The following WDFY2 variants were observed in gnomAD, a reference collection of about 807,000 sequenced individuals.
WDFY2 encodes WD repeat and FYVE domain containing 2.
Under a neutral mutation model 56.4 loss-of-function variants are expected in WDFY2, and 36 were observed. The observed-to-expected ratio is 0.64, with a 90% CI of 0.49 to 0.84. The LOEUF is 0.84. WDFY2 is among the 40% of genes least tolerant of loss of function. The pLI, the probability that WDFY2 is intolerant of heterozygous loss-of-function variation, is 0.00. For missense variants in WDFY2, 444 were observed against 512.2 expected (o/e 0.87, Z 1.29); for synonymous variants, 176 against 183.7 (o/e 0.96, Z 0.34).
At chr13:51,684,107 A>G (rs1956021529) in intron 3 of WDFY2, among the ~76,000 whole-genome samples, 1 of 152,140 alleles carries the variant, frequency 6.6e-6, no homozygotes, top group African/African-American at 2.4e-5. Context: ...GTGTAGGAAG[A>G]CAACCATCAG....
At chr13:51,588,649 G>A (rs906579867) in intron 1 of WDFY2, 3 of 152,118 alleles carry the variant, frequency 2.0e-5, no homozygotes, top group Admixed American at 1.3e-4. Context: ...TCCTGTAGAG[G>A]AAAGGGCATT....
At chr13:51,625,674 T>G (rs1954824736) in intron 1 of WDFY2, among the ~76,000 whole-genome samples, 1 of 152,222 alleles carries the variant, frequency 6.6e-6, no homozygotes, top group South Asian at 2.1e-4. Flanking sequence ...TAAGTATCTC[T>G]GAACTTGAAA....
chr13:51,763,500 C>G lies in WDFY2; in HGVS notation c.*3731C>G, dbSNP rs1013080668. The G allele has an allele frequency of 6.6e-6, 1 of 152,206 alleles. No individual in the cohort carries two copies. The highest frequency in any genetic ancestry group is 2.4e-5 in the African/African-American group (1 of 41,436). 9.4% of individuals were successfully genotyped at this position (152,206 alleles called of 1,614,324 possible). A position where few individuals can be genotyped will look rare whatever the true frequency, so the allele number is the denominator to read the frequency against. On this transcript the variant is annotated 3_prime_UTR_variant, in exon 12 of 12. Coordinates refer to ENST00000298125, the MANE Select transcript of WDFY2 (RefSeq NM_052950.4). ...TATCACATTTTCATTTTCTGAGATT[C>G]ATTTTATAAAAGTAAAGGCCAGGTG... is the stretch of plus-strand genomic sequence containing the variant.
chr13:51,703,711 A>G, intron 4 of WDFY2, 61 bp downstream of exon 4: 1 of 1,388,820 alleles, frequency 7.2e-7, no homozygotes, highest in South Asian at 1.3e-5. Flanking sequence ...GGTGGTTTTC[A>G]CTGCCACAAG....
At chr13:51,740,902 T>C (rs1174629652) in intron 7 of WDFY2, among the ~76,000 whole-genome samples, 2 of 152,212 alleles carry the variant, frequency 1.3e-5, no homozygotes, top group African/African-American at 4.8e-5. Context: ...CAGTGGTTAA[T>C]AAAGACTGCA....
chr13:51,663,394 G>T (rs1955647588), intron 2 of WDFY2, among the ~76,000 whole-genome samples: 1 of 152,072 alleles, frequency 6.6e-6, no homozygotes, highest in South Asian at 2.1e-4. Context: ...CCAGGGATTT[G>T]CAGACAAACA....
chr13:51,670,437 A>C (rs553196669), intron 2 of WDFY2, among the ~76,000 whole-genome samples: 69 of 151,642 alleles, frequency 4.6e-4, no homozygotes, highest in African/African-American at 1.6e-3. Context: ...GGAGTGTCAC[A>C]GTTGGAAAAT....
Position 51,677,098 on chromosome 13 carries a change from T to C in WDFY2, c.279+1855T>C, listed in dbSNP as rs529780206. On this transcript the variant is annotated intron_variant, in intron 3 of 11. Coordinates refer to ENST00000298125, the MANE Select transcript of WDFY2 (RefSeq NM_052950.4). ...TATGGAGAATTCTAGCTATTTATTG[T>C]ATATAAGAGGCGAAACCATCTTAGC... 4.6e-5 allele frequency among the ~76,000 whole-genome samples: 7 copies of C among 152,332 alleles called. No individual in the cohort carries two copies. The East Asian group carries it at 1.3e-3, about 29-fold the overall frequency.
At chr13:51,655,792 C>G (rs976347197) in intron 1 of WDFY2, among the ~76,000 whole-genome samples, 1 of 152,030 alleles carries the variant, frequency 6.6e-6, no homozygotes, top group African/African-American at 2.4e-5. Flanking sequence ...TGGTTTTGCA[C>G]TTTTCTTTGT....
chr13:51,626,469 C>T (rs1406558527), intron 1 of WDFY2, among the ~76,000 whole-genome samples: 1 of 152,178 alleles, frequency 6.6e-6, no homozygotes, highest in Non-Finnish European at 1.5e-5. Context: ...TTCCATAGCA[C>T]AAGGCTCAGT....
intron 1 of WDFY2, among the ~76,000 whole-genome samples, chr13:51,643,857 G>T (rs947935057): frequency 6.6e-6 from 1 of 151,876 alleles, no homozygotes; most frequent in African/African-American, 2.4e-5. Context: ...TACTGTATGT[G>T]ATAAAAATGA....
intron 4 of WDFY2, among the ~76,000 whole-genome samples, chr13:51,716,229 G>C (rs576274051): frequency 6.6e-6 from 1 of 152,292 alleles, no homozygotes; most frequent in South Asian, 2.1e-4. Flanking sequence ...GGAAGTGGGA[G>C]TTGGGAATAT....
At chr13:51,699,866 C>T (rs1951948246) in intron 3 of WDFY2, among the ~76,000 whole-genome samples, 1 of 152,144 alleles carries the variant, frequency 6.6e-6, no homozygotes, top group African/African-American at 2.4e-5. Context: ...CTTGCAAAGA[C>T]CTTTCTCAAA....
intron 1 of WDFY2, among the ~76,000 whole-genome samples, chr13:51,632,661 T>G (rs1000529690): frequency 3.3e-5 from 5 of 152,228 alleles, no homozygotes; most frequent in African/African-American, 1.2e-4. Context: ...CATAATAACT[T>G]TTGTAATCAA....
At chr13:51,591,438 G>C (rs1373921217) in intron 1 of WDFY2, 1 of 152,132 alleles carries the variant, frequency 6.6e-6, no homozygotes, top group African/African-American at 2.4e-5. Context: ...ACTCTGGGTG[G>C]TTTGCCAGCA....
At chr13:51,588,151 T>C (rs1329944311) in intron 1 of WDFY2, 2 of 152,248 alleles carry the variant, frequency 1.3e-5, no homozygotes, top group Non-Finnish European at 1.5e-5. Flanking sequence ...AACTTTGATA[T>C]TTTGGATACC....
At chr13:51,615,831 C>T (rs1330023360) in intron 1 of WDFY2, among the ~76,000 whole-genome samples, 3 of 152,044 alleles carry the variant, frequency 2.0e-5, no homozygotes, top group African/African-American at 7.2e-5. Context: ...TTATTTTTTA[C>T]TTTTTATACT....
chr13:51,591,717 G>A (rs552108291), intron 1 of WDFY2: 1 of 152,296 alleles, frequency 6.6e-6, no homozygotes, highest in South Asian at 2.1e-4. Flanking sequence ...GTGAACAAGA[G>A]TTTGAAATAT....
chr13:51,629,826 C>CTTTTTTTTTTTTTTTTTTTTTTTTT (rs11432630), intron 1 of WDFY2, among the ~76,000 whole-genome samples: 1 of 125,142 alleles, frequency 8.0e-6, no homozygotes, highest in African/African-American at 3.0e-5. Context: ...TCTTTCTTTT[C>CTTTTTTTTTTTTTTTTTTTTTTTTT]TTTTTTTTTT....
Sources: gnomAD v4.1 joint callset for allele counts (sites outside exome capture counted in the v4.1 genomes callset) on GRCh38, gnomAD v4.1.1 for gene constraint, MANE v1.5 for transcripts, NCBI Gene and HGNC (gene_info 2026-07-23, HGNC 2026-07-21) for gene names.